SDK2: variants seen among roughly 807,000 people sequenced by gnomAD.
SDK2 encodes the protein protein sidekick-2.
A neutral mutation model predicts 253.9 loss-of-function variants in SDK2; 105 were observed. The ratio of observed to expected loss-of-function variants is 0.41; its 90% confidence interval spans 0.35 to 0.49. SDK2 has a LOEUF of 0.49. Among genes scored for constraint, SDK2 ranks in the 20% least tolerant of loss-of-function variants. SDK2 has a pLI of 0.06. For missense variants in SDK2, 2,608 were observed against 3,003.0 expected (o/e 0.87, Z 3.07); for synonymous variants, 1,249 against 1,234.9 (o/e 1.01, Z -0.24).
Position 73,422,272 on chromosome 17 carries a change from C to G in SDK2, c.2045+15G>C. On this transcript the variant is annotated intron_variant, in intron 15 of 44. Transcript: ENST00000392650. Reference sequence around the variant, plus strand: ...GAGTCCTGGCGACGCCCCTGTAGAGCGCCAGTGCCCTCACCTCTCGGTGTC... The same window carrying G: ...GAGTCCTGGCGACGCCCCTGTAGAGGGCCAGTGCCCTCACCTCTCGGTGTC... The G allele has an allele frequency of 1.2e-6, 2 of 1,613,294 alleles. No homozygotes were observed. Among genetic ancestry groups the G allele is most frequent in the South Asian group, 2.2e-5 (2 of 91,054 alleles).
At chr17:73,372,163 G>A (rs555060374) in intron 36 of SDK2, among the ~76,000 whole-genome samples, 28 of 152,184 alleles carry the variant, frequency 1.8e-4, no homozygotes, top group Non-Finnish European at 7.3e-5. Context: ...ACTCCGGCAG[G>A]TGCATCTTGT....
chr17:73,508,029 G>C (rs558319464), intron 1 of SDK2, among the ~76,000 whole-genome samples: 6 of 152,356 alleles, frequency 3.9e-5, no homozygotes, highest in African/African-American at 9.6e-5. Flanking sequence ...ACAACTGTAG[G>C]GGGTAAAGGG....
rs1296457952 is a variant in SDK2 at position 73,443,613 on chromosome 17, T to A, written c.614-2690A>T. ...GCTGGCTCGTTGGCTCTGGAAGGAA[T>A]GGAGGAGAGATGGCCATGTGCTCAG... On this transcript the variant is annotated intron_variant, in intron 5 of 44. Transcript: ENST00000392650. This position sits in a 1 kb window ranked among gnomAD's most constrained non-coding sequence, Gnocchi z 4.6. Among the ~76,000 whole-genome samples, 1 of 152,098 alleles carries A rather than the reference T, an allele frequency of 6.6e-6. No homozygotes were observed. The highest frequency in any genetic ancestry group is 1.5e-5 in the Non-Finnish European group (1 of 68,000).
intron 1 of SDK2, among the ~76,000 whole-genome samples, chr17:73,619,953 C>A (rs1425653929): frequency 2.0e-5 from 3 of 152,142 alleles, no homozygotes; most frequent in Non-Finnish European, 4.4e-5. Flanking sequence ...AATCTCAGCA[C>A]TTTGGGACAC....
At chr17:73,588,260 G>A (rs1335340256) in intron 1 of SDK2, among the ~76,000 whole-genome samples, 2 of 150,050 alleles carry the variant, frequency 1.3e-5, no homozygotes, top group African/African-American at 2.5e-5. Context: ...GGGGCTGCAT[G>A]CCTATAATCT....
chr17:73,395,826 G>A lies in SDK2; in HGVS notation c.3355-434C>T, dbSNP rs148515108. 4.0e-4 allele frequency among the ~76,000 whole-genome samples: 61 copies of A among 152,346 alleles called. No individual in the cohort carries two copies. The highest frequency in any genetic ancestry group is 1.5e-3 in the African/African-American group (61 of 41,580). ...GCCTGCCTTTGAGTGAGCATGGGCA[G>A]AGAGCAGGATGAGTGGGGCACCTGC... On this transcript the variant is annotated intron_variant, in intron 24 of 44. Coordinates refer to ENST00000392650, the MANE Select transcript of SDK2 (RefSeq NM_001144952.2). This position sits in a 1 kb window ranked among gnomAD's most constrained non-coding sequence, Gnocchi z 4.3.
At chr17:73,373,258 C>A (rs1168188649) in intron 36 of SDK2, among the ~76,000 whole-genome samples, 1 of 152,196 alleles carries the variant, frequency 6.6e-6, no homozygotes, top group Non-Finnish European at 1.5e-5. Context: ...TTCATTCATT[C>A]ATCCATTCAC....
intron 1 of SDK2, among the ~76,000 whole-genome samples, chr17:73,614,526 G>A (rs1180395859): frequency 7.4e-6 from 1 of 135,194 alleles, no homozygotes; most frequent in Non-Finnish European, 1.5e-5. Flanking sequence ...GGTACACAGC[G>A]ACACAAAGAT....
At chr17:73,498,129 T>C (rs954711290) in intron 2 of SDK2, among the ~76,000 whole-genome samples, 4 of 152,210 alleles carry the variant, frequency 2.6e-5, no homozygotes, top group African/African-American at 9.6e-5. Context: ...GATCTTCCTG[T>C]CTTATTTAGG....
chr17:73,399,110 C>T (rs2062998075), intron 22 of SDK2, 58 bp downstream of exon 22: 3 of 1,591,698 alleles, frequency 1.9e-6, no homozygotes, highest in Non-Finnish European at 2.6e-6. Context: ...AGATTTTGCA[C>T]TCAAGGGCAC....
chr17:73,401,519 G>A (rs1431891123), intron 20 of SDK2, 135 bp downstream of exon 20: 3 of 835,250 alleles, frequency 3.6e-6, no homozygotes, highest in African/African-American at 3.4e-5. Context: ...AGAGCCTCCT[G>A]TGAGTGGTTT....
chr17:73,337,476 A>G lies in SDK2; in HGVS notation c.*1111T>C, dbSNP rs2062389689. The G allele has an allele frequency of 6.7e-6, 1 of 149,772 alleles. No homozygotes were observed. Among genetic ancestry groups the G allele is most frequent in the African/African-American group, 2.5e-5 (1 of 40,484 alleles). 9.3% of individuals were successfully genotyped at this position (149,772 alleles called of 1,614,324 possible). Reference sequence around the variant, plus strand: ...AGTTTGTTCTGGAGAGGATCCCTAGACCCTGTTCCTTGTAAGTGCATGGGA... The same window carrying G: ...AGTTTGTTCTGGAGAGGATCCCTAGGCCCTGTTCCTTGTAAGTGCATGGGA... On this transcript the variant is annotated 3_prime_UTR_variant, in exon 45 of 45. Transcript: ENST00000392650.
rs150678584 is a variant in SDK2, at chr17:73,434,970, G to A, written c.1195+480C>T. ...TGATTGCTAAAAACAGCTCTGGGAA[G>A]CGGCCAGGGCAACTATGGCAACCCC... On this transcript the variant is annotated intron_variant, in intron 9 of 44. Transcript: ENST00000392650. Among the ~76,000 whole-genome samples, 126 of 152,262 alleles carry A rather than the reference G, an allele frequency of 8.3e-4. 1 individual carries two copies. Among genetic ancestry groups the A allele is most frequent in the Non-Finnish European group, 1.5e-3 (103 of 68,022 alleles).
chr17:73,595,940 C>T (rs1464389023), intron 1 of SDK2, among the ~76,000 whole-genome samples: 2 of 151,388 alleles, frequency 1.3e-5, no homozygotes, highest in Non-Finnish European at 3.0e-5. Context: ...ATGGCTTAGG[C>T]GGCCTGATGG....
intron 1 of SDK2, among the ~76,000 whole-genome samples, chr17:73,625,391 G>A (rs1242108949): frequency 3.9e-5 from 6 of 152,178 alleles, no homozygotes; most frequent in South Asian, 4.1e-4. Flanking sequence ...AGCCCCATGA[G>A]AGGGGGCAGC....
Position 73,423,372 on chromosome 17 carries a change from C to A in SDK2, c.1897+14G>T. On this transcript the variant is annotated intron_variant, in intron 14 of 44. Transcript: ENST00000392650. ...TTGGGCGGGAGGTGTTGGAGGTGAC[C>A]ACGGGAAGCTTACTGTTCTCCGACA... The A allele has an allele frequency of 7.0e-7, 1 of 1,429,254 alleles. No individual in the cohort carries two copies. Among genetic ancestry groups the A allele is most frequent in the Non-Finnish European group, 9.3e-7 (1 of 1,077,948 alleles). 88.5% of individuals were successfully genotyped at this position (1,429,254 alleles called of 1,614,324 possible).
At chr17:73,382,846 A>G (rs2062842103) in intron 33 of SDK2, among the ~76,000 whole-genome samples, 1 of 151,092 alleles carries the variant, frequency 6.6e-6, no homozygotes, top group African/African-American at 2.4e-5. Context: ...TACTAACAAC[A>G]ACAACAACAA....
chr17:73,393,984 G>A (rs16977620), intron 26 of SDK2, among the ~76,000 whole-genome samples: 4,861 of 152,284 alleles, frequency 0.032, 259 homozygotes, highest in African/African-American at 0.11. Context: ...TGGCCTCCCG[G>A]GAGAGATGGA....
intron 6 of SDK2, among the ~76,000 whole-genome samples, chr17:73,438,542 T>C (rs1003294055): frequency 1.3e-5 from 2 of 152,028 alleles, no homozygotes; most frequent in Non-Finnish European, 2.9e-5. Context: ...TGACCACAGA[T>C]CAGTGACACG....
Sources: gnomAD v4.1 joint callset for allele counts (sites outside exome capture counted in the v4.1 genomes callset) on GRCh38, gnomAD v4.1.1 for gene constraint, Gnocchi (gnomAD v3.1) non-coding constraint, MANE v1.5 for transcripts, NCBI Gene and HGNC (gene_info 2026-07-23, HGNC 2026-07-21) for gene names.